Variants in KMO observed in about 807,000 individuals in gnomAD.
The protein encoded by KMO is kynurenine 3-monooxygenase.
Under a neutral mutation model 57.8 loss-of-function variants are expected in KMO, and 24 were observed. The observed-to-expected ratio is 0.42, with a 90% CI of 0.30 to 0.58. The LOEUF (loss-of-function observed/expected upper bound fraction) is 0.58, where lower values mean the gene tolerates loss of function less well. KMO is among the 20% of genes least tolerant of loss of function. KMO has a pLI of 0.22. For missense variants in KMO, 483 were observed against 588.2 expected (o/e 0.82, Z 1.85); for synonymous variants, 210 against 193.6 (o/e 1.08, Z -0.70).
At position 241,591,828 on chromosome 1, in the gene KMO, T is replaced by C. The variant is rs1573945122; in HGVS notation, c.1261-125T>C. On this transcript the variant is annotated intron_variant, in intron 14 of 14. Transcript: ENST00000366559. ...GTTCCTGATCTGGTGGTCATGCAAG[T>C]AAATTGTTGTTTCAGGTTAAAGAAC... 5 of 736,392 alleles carry C rather than the reference T, an allele frequency of 6.8e-6. No individual in the cohort carries two copies. The East Asian group carries it at 1.2e-4, about 18-fold the overall frequency. 45.6% of individuals were successfully genotyped at this position (736,392 alleles called of 1,614,324 possible).
intron 7 of KMO, among the ~76,000 whole-genome samples, chr1:241,562,619 C>T (rs1454397411): frequency 2.6e-5 from 4 of 152,126 alleles, no homozygotes; most frequent in Non-Finnish European, 4.4e-5. Flanking sequence ...GCAGGAGGAT[C>T]GCTTGAACCC....
At chr1:241,557,531 T>C (rs1397114566) in intron 5 of KMO, among the ~76,000 whole-genome samples, 2 of 152,230 alleles carry the variant, frequency 1.3e-5, no homozygotes, top group African/African-American at 4.8e-5. Context: ...CTTTAGTTGA[T>C]TCACCAGATA....
At chr1:241,534,676 G>T (rs148170027) in intron 1 of KMO, among the ~76,000 whole-genome samples, 3 of 152,102 alleles carry the variant, frequency 2.0e-5, no homozygotes, top group African/African-American at 7.2e-5. Flanking sequence ...ATTATCATCC[G>T]CCATCCTTAT....
At chr1:241,579,039 A>T (rs1055953323) in intron 10 of KMO, among the ~76,000 whole-genome samples, 1 of 152,160 alleles carries the variant, frequency 6.6e-6, no homozygotes, top group Non-Finnish European at 1.5e-5. Context: ...TCCCTCCCAC[A>T]ACACATGGGA....
In KMO at chr1:241,592,899, C is replaced by T. The variant is rs1649216842; in HGVS notation, c.*746C>T. On this transcript the variant is annotated 3_prime_UTR_variant, in exon 15 of 15. Coordinates refer to ENST00000366559, the MANE Select transcript of KMO (RefSeq NM_003679.5). ...CACTGCAACCTCTGCCTCCTGGGCT[C>T]AAGCAATCCTCCCACTTCAGCCTCC... The T allele has an allele frequency of 6.4e-6, 1 of 156,262 alleles. No individual in the cohort carries two copies. The highest frequency in any genetic ancestry group is 2.4e-5 in the African/African-American group (1 of 41,420). 9.7% of individuals were successfully genotyped at this position (156,262 alleles called of 1,614,324 possible). A position where few individuals can be genotyped will look rare whatever the true frequency, so the allele number is the denominator to read the frequency against.
rs537350418 is a variant in KMO at position 241,590,395 on chromosome 1, C to T, written c.1260+132C>T. On this transcript the variant is annotated intron_variant, in intron 14 of 14. Coordinates refer to ENST00000366559, the MANE Select transcript of KMO (RefSeq NM_003679.5). ...CAACTGTTTGCCTTCCAAACAGAAA[C>T]TGTCCTGAGTACAGAGAGGGAACAG... is the stretch of plus-strand genomic sequence containing the variant. The T allele has an allele frequency of 1.1e-4, 82 of 740,318 alleles. 1 individual carries two copies. In the African/African-American group the frequency reaches 1.2e-3, roughly 11 times the overall value. 45.9% of individuals were successfully genotyped at this position (740,318 alleles called of 1,614,324 possible).
intron 4 of KMO, among the ~76,000 whole-genome samples, chr1:241,553,544 C>T (rs1558417082): frequency 6.6e-6 from 1 of 151,924 alleles, no homozygotes. Context: ...AAAAATTAGC[C>T]GGGCATGGTG....
At chr1:241,548,805 A>G (rs1373640889) in intron 1 of KMO, 24 bp from the exon 2 acceptor site, 1 of 1,449,130 alleles carries the variant, frequency 6.9e-7, no homozygotes, top group Admixed American at 1.7e-5. Context: ...TCAGATAAAT[A>G]TTTAATTTTT....
At chr1:241,555,009 A>C (rs1469351529) in intron 4 of KMO, among the ~76,000 whole-genome samples, 1 of 151,912 alleles carries the variant, frequency 6.6e-6, no homozygotes, top group East Asian at 1.9e-4. Flanking sequence ...TTGTACGCCC[A>C]TAGGCGCTGT....
chr1:241,572,256 C>T (rs1477025904), intron 10 of KMO, among the ~76,000 whole-genome samples: 1 of 152,060 alleles, frequency 6.6e-6, no homozygotes, highest in African/African-American at 2.4e-5. Context: ...TTTGTTACTG[C>T]TTCTATCTTG....
chr1:241,555,486 G>C (rs1237840080), intron 4 of KMO, 126 bp from the exon 5 acceptor site: 1 of 525,790 alleles, frequency 1.9e-6, no homozygotes, highest in African/African-American at 1.9e-5. Flanking sequence ...TTAGCGAAAT[G>C]GTTATAAAAC....
chr1:241,574,243 A>G lies in KMO; in HGVS notation c.957+5596A>G, dbSNP rs919257485. 1.1e-4 allele frequency among the ~76,000 whole-genome samples: 17 copies of G among 152,200 alleles called. No individual in the cohort carries two copies. The East Asian group carries it at 3.1e-3, about 28-fold the overall frequency. On this transcript the variant is annotated intron_variant, in intron 10 of 14. Transcript: ENST00000366559. The stretch of plus-strand genomic sequence containing the variant: ...TGATCTTTGGACTTCCTTTTTGTCA[A>G]TTTGGATGTCCTTCATTTCCTTCTC...
chr1:241,549,211 A>AAGAC (rs1294526737), intron 2 of KMO, among the ~76,000 whole-genome samples: 1 of 4,710 alleles, frequency 2.1e-4, no homozygotes, highest in Non-Finnish European at 1.2e-3. Flanking sequence ...GGAAGAAAGA[A>AAGAC]AGAAAGAAAG....
chr1:241,574,161 T>G (rs1276810047), intron 10 of KMO, among the ~76,000 whole-genome samples: 1 of 152,020 alleles, frequency 6.6e-6, no homozygotes, highest in East Asian at 1.9e-4. Flanking sequence ...AATCTGGGAG[T>G]CTTTTGAATG....
At chr1:241,568,776 C>T in intron 10 of KMO, 129 bp downstream of exon 10, 1 of 872,824 alleles carries the variant, frequency 1.1e-6, no homozygotes, top group Non-Finnish European at 1.7e-6. Context: ...ATTCAGCAAT[C>T]ATACCAGCTG....
At position 241,552,309 on chromosome 1, in the gene KMO, T is replaced by C. The variant is rs554736371; in HGVS notation, c.312+1265T>C. On this transcript the variant is annotated intron_variant, in intron 4 of 14. Transcript: ENST00000366559. The stretch of plus-strand genomic sequence containing the variant: ...ACGGCCCCTCCCGCATCATTCCTGC[T>C]ACTTCTCAATTCTTAAGAACTCAGT... Among the ~76,000 whole-genome samples the C allele has an allele frequency of 2.4e-4, 36 of 152,316 alleles. No individual in the cohort carries two copies. The South Asian group carries it at 2.7e-3, about 11-fold the overall frequency.
intron 10 of KMO, among the ~76,000 whole-genome samples, chr1:241,577,379 T>A (rs1385485396): frequency 1.3e-5 from 2 of 152,150 alleles, no homozygotes; most frequent in Non-Finnish European, 2.9e-5. Context: ...TAATTATTTT[T>A]AAATTTATTT....
intron 1 of KMO, among the ~76,000 whole-genome samples, chr1:241,546,311 AGCCTCTCTTGCATTTGTAGAT>A (rs1157022710): frequency 6.6e-6 from 1 of 152,132 alleles, no homozygotes. Flanking sequence ...TGAAGTCCTC[AGCCTCTCTTGCATTTGTAGAT>A]GCCTGTAGGC....
chr1:241,556,546 G>A (rs985137068), intron 5 of KMO, among the ~76,000 whole-genome samples: 1 of 152,152 alleles, frequency 6.6e-6, no homozygotes, highest in African/African-American at 2.4e-5. Context: ...CTAATGGAAC[G>A]ACAGATAAAC....
Sources: allele counts gnomAD v4.1 joint callset (sites outside exome capture counted in the v4.1 genomes callset), GRCh38; gene constraint gnomAD v4.1.1; transcripts MANE v1.5; gene names NCBI Gene and HGNC (gene_info 2026-07-23, HGNC 2026-07-21).